Variants in COP1 observed in about 807,000 individuals in gnomAD.
COP1 encodes COP1 E3 ubiquitin ligase.
Under a neutral mutation model 101.3 loss-of-function variants are expected in COP1, and 24 were observed. That is an observed-to-expected ratio of 0.24 (90% CI 0.17 to 0.33). The LOEUF is 0.33. Ranked by LOEUF, COP1 falls within the 10% of genes least tolerant of loss-of-function variation. The probability of loss-of-function intolerance (pLI) is 1.00; values close to 1 mark genes in which losing one functional copy is unlikely to be tolerated. For synonymous variants in COP1, 347 were observed against 341.9 expected, an observed-to-expected ratio of 1.01 and a Z score of -0.17; for missense variants, 663 against 906.2, an observed-to-expected ratio of 0.73 and a Z score of 3.45.
At chr1:176,148,900 T>C in intron 6 of COP1, 106 bp downstream of exon 6, 1 of 694,670 alleles carries the variant, frequency 1.4e-6, no homozygotes, top group African/African-American at 1.9e-5. Flanking sequence ...ATTCAAATGC[T>C]TTTAAAAATA....
intron 9 of COP1, among the ~76,000 whole-genome samples, chr1:176,107,410 G>A (rs1684503246): frequency 6.6e-6 from 1 of 152,076 alleles, no homozygotes; most frequent in South Asian, 2.1e-4. Flanking sequence ...GAACATTATT[G>A]TCTAAGAAAG....
intron 5 of COP1, among the ~76,000 whole-genome samples, chr1:176,155,312 T>G (rs1291289214): frequency 6.6e-6 from 1 of 151,896 alleles, no homozygotes; most frequent in Non-Finnish European, 1.5e-5. Flanking sequence ...TCCTTGCTCC[T>G]AAAAACTAAA....
At chr1:176,115,424 T>A (rs1370438157) in intron 9 of COP1, among the ~76,000 whole-genome samples, 2 of 151,754 alleles carry the variant, frequency 1.3e-5, no homozygotes, top group African/African-American at 4.8e-5. Flanking sequence ...CACTCCAGCC[T>A]GGGCAGGAGC....
At chr1:175,993,315 G>C (rs138130402) in intron 15 of COP1, among the ~76,000 whole-genome samples, 4,980 of 152,284 alleles carry the variant, frequency 0.033, 117 homozygotes, top group Non-Finnish European at 0.05. Flanking sequence ...AGAAAAACTG[G>C]AAACTCTAAA....
At chr1:175,989,577 T>C in intron 15 of COP1, 98 bp from the exon 16 acceptor site, 1 of 663,760 alleles carries the variant, frequency 1.5e-6, no homozygotes, top group South Asian at 1.8e-5. Context: ...AAGTTTCACA[T>C]ATGATGTCTA....
intron 15 of COP1, among the ~76,000 whole-genome samples, chr1:176,007,946 G>A (rs1663758976): frequency 6.6e-6 from 1 of 152,124 alleles, no homozygotes; most frequent in Admixed American, 6.6e-5. Flanking sequence ...CCCCAGCCTC[G>A]CTGCCGCCTT....
chr1:176,087,999 G>A (rs973424896), intron 9 of COP1, among the ~76,000 whole-genome samples: 6 of 151,998 alleles, frequency 3.9e-5, no homozygotes, highest in South Asian at 4.2e-4. Context: ...GCAAACTATC[G>A]CAGGATAGAA....
intron 11 of COP1, among the ~76,000 whole-genome samples, chr1:176,057,648 C>CTGCACT (rs1673841342): frequency 6.6e-6 from 1 of 152,164 alleles, no homozygotes; most frequent in African/African-American, 2.4e-5. Flanking sequence ...TCAATGGTGC[C>CTGCACT]CAGGCTGGAG....
intron 10 of COP1, among the ~76,000 whole-genome samples, chr1:176,081,808 C>G (rs1374200977): frequency 6.6e-6 from 1 of 151,976 alleles, no homozygotes; most frequent in Non-Finnish European, 1.5e-5. Context: ...TACAGGAAGA[C>G]AGTAGAAAAC....
intron 15 of COP1, among the ~76,000 whole-genome samples, chr1:176,006,888 G>A (rs1335450058): frequency 6.6e-6 from 1 of 151,804 alleles, no homozygotes; most frequent in South Asian, 2.1e-4. Flanking sequence ...GAATCTGAAC[G>A]TTGGCCTGCC....
chr1:176,123,532 C>T (rs7517503), intron 8 of COP1, among the ~76,000 whole-genome samples: 60,076 of 151,866 alleles, frequency 0.4, 12,099 homozygotes, highest in Middle Eastern at 0.45. Flanking sequence ...AAACATAAGG[C>T]TCTAATCACA....
intron 11 of COP1, among the ~76,000 whole-genome samples, chr1:176,066,508 TA>T: frequency 6.6e-6 from 1 of 152,068 alleles, no homozygotes; most frequent in African/African-American, 2.4e-5. Flanking sequence ...TAAAAAAGAA[TA>T]AATGAGGAGA....
intron 1 of COP1, among the ~76,000 whole-genome samples, chr1:176,200,361 G>A (rs997365787): frequency 4.6e-5 from 7 of 152,216 alleles, no homozygotes; most frequent in South Asian, 2.1e-4. Context: ...CAAAACAGTC[G>A]TAATTTTTAC....
At chr1:176,172,257 G>T (rs1235415416) in intron 3 of COP1, among the ~76,000 whole-genome samples, 4 of 152,194 alleles carry the variant, frequency 2.6e-5, no homozygotes, top group Non-Finnish European at 5.9e-5. Flanking sequence ...GCGCAGACTG[G>T]TCGCAAACTC....
At chr1:175,964,013 GATC>G (rs1374203791) in intron 18 of COP1, among the ~76,000 whole-genome samples, 1 of 152,086 alleles carries the variant, frequency 6.6e-6, no homozygotes, top group African/African-American at 2.4e-5. Flanking sequence ...TTTACTGATT[GATC>G]ATTTATCTTG....
chr1:176,105,803 G>C (rs1174586781), intron 9 of COP1, among the ~76,000 whole-genome samples: 2 of 152,122 alleles, frequency 1.3e-5, no homozygotes, highest in African/African-American at 2.4e-5. Flanking sequence ...TGATTTTCAT[G>C]ATTTGCACCT....
intron 9 of COP1, among the ~76,000 whole-genome samples, chr1:176,111,449 A>G (rs1426187321): frequency 1.3e-5 from 2 of 151,892 alleles, no homozygotes; most frequent in African/African-American, 4.8e-5. Context: ...GCGCACCACC[A>G]TGCTCAGCTA....
chr1:175,999,092 G>A (rs897366573), intron 15 of COP1, among the ~76,000 whole-genome samples: 1 of 152,000 alleles, frequency 6.6e-6, no homozygotes, highest in African/African-American at 2.4e-5. Flanking sequence ...GATGGTATGA[G>A]AAAGTAAATG....
intron 15 of COP1, among the ~76,000 whole-genome samples, chr1:176,008,979 T>G (rs548565580): frequency 6.6e-6 from 1 of 152,338 alleles, no homozygotes; most frequent in South Asian, 2.1e-4. Flanking sequence ...TAAATCTGCC[T>G]TAGCCTTCAC....
Sources: allele counts gnomAD v4.1 joint callset (sites outside exome capture counted in the v4.1 genomes callset), GRCh38; gene constraint gnomAD v4.1.1; transcripts MANE v1.5; gene names NCBI Gene and HGNC (gene_info 2026-07-23, HGNC 2026-07-21).